Variants in TXNDC5 observed in about 807,000 individuals in gnomAD.
TXNDC5 encodes thioredoxin domain-containing protein 5.
In TXNDC5, 44 loss-of-function variants were observed where a neutral mutation model predicts 52.6. The ratio of observed to expected loss-of-function variants is 0.84; its 90% CI spans 0.66 to 1.08. TXNDC5 has a LOEUF of 1.08. Among genes scored for constraint, TXNDC5 ranks in the 50% least tolerant of loss-of-function variants. TXNDC5 has a pLI of 0.00. For missense variants in TXNDC5, 600 were observed against 565.5 expected (o/e 1.06, Z -0.62); for synonymous variants, 241 against 234.4 (o/e 1.03, Z -0.26).
rs927093114 is a variant in TXNDC5, at chr6:7,883,412, G to T, written c.1177-146C>A. The T allele has an allele frequency of 1.0e-5, 12 of 1,156,048 alleles. No homozygotes were observed. The Admixed American group carries it at 2.2e-4, about 21-fold the overall frequency. 71.6% of individuals were successfully genotyped at this position (1,156,048 alleles called of 1,614,324 possible). ...TAAAGGTGTATATTCCATTAAAACA[G>T]GAGCAGACTACTGTTTAGAAAGCAC... On this transcript the variant is annotated intron_variant, in intron 9 of 9. Transcript: ENST00000379757.
chr6:7,888,906 A>C (rs1760097509), intron 6 of TXNDC5, 58 bp from the exon 7 acceptor site: 6 of 1,529,106 alleles, frequency 3.9e-6, no homozygotes, highest in Non-Finnish European at 5.3e-6. Context: ...TGAATCACTT[A>C]AGCCTTCCTG....
chr6:7,909,864 A>G, intron 1 of TXNDC5: 1 of 985,998 alleles, frequency 1.0e-6, no homozygotes, highest in Non-Finnish European at 1.2e-6. Flanking sequence ...ACGTGCCCGC[A>G]GTCTGTCCCA....
chr6:7,910,743 G>A lies in TXNDC5; in HGVS notation c.34C>T (p.Leu12=), dbSNP rs1239493527. The A allele has an allele frequency of 9.9e-7, 1 of 1,014,822 alleles. No individual in the cohort carries two copies. Among genetic ancestry groups the A allele is most frequent in the Non-Finnish European group, 1.2e-6 (1 of 852,722 alleles). The allele number at this position is 1,014,822 out of a possible 1,614,324, so 62.9% of individuals were successfully genotyped here. Residue 12 remains leucine, a synonymous_variant, in exon 1 of 10, where the codon CTG becomes TTG. Transcript: ENST00000379757. ...GCAGTCAGGGCCGCCGGCCGGGCCA[G>A]CAGCGGGAGGAGGCGTCCTGGGCGC... ...PARPGRLLPL[L]ARPAALTALL...
At chr6:7,909,726 G>T in intron 1 of TXNDC5, 1 of 973,898 alleles carries the variant, frequency 1.0e-6, no homozygotes, top group Non-Finnish European at 1.2e-6. Flanking sequence ...GCACTACCTT[G>T]GTCTTCCCGG....
At chr6:7,907,038 C>T (rs1760759333) in intron 1 of TXNDC5, among the ~76,000 whole-genome samples, 1 of 152,188 alleles carries the variant, frequency 6.6e-6, no homozygotes, top group South Asian at 2.1e-4. Context: ...AACAAGGCAC[C>T]TTCCTAAGGG....
At chr6:7,901,622 T>C (rs529124572) in intron 2 of TXNDC5, among the ~76,000 whole-genome samples, 2 of 152,290 alleles carry the variant, frequency 1.3e-5, no homozygotes, top group South Asian at 4.1e-4. Context: ...GCAGTGAGTT[T>C]GGGACATCTG....
chr6:7,891,508 G>A, intron 5 of TXNDC5, 113 bp downstream of exon 5: 1 of 743,118 alleles, frequency 1.3e-6, no homozygotes, highest in Non-Finnish European at 2.2e-6. Context: ...CACACTAAAT[G>A]GAATTAATAA....
rs1259897753 is a variant in TXNDC5, at chr6:7,885,984, G to A, written c.1023C>T (p.Thr341=). The stretch of plus-strand genomic sequence containing the variant: ...ACCATGGAGCATAAAACTTGATGAA[G>A]GTTATTCCTTCTGCAATGGTGTCAT... The part of the protein sequence containing the change: ...NFDDTIAEGI[T]FIKFYAPWCG... The change falls in exon 8 of 10, where the codon ACC becomes ACT. Residue 341 remains threonine (T), a synonymous_variant. Coordinates refer to ENST00000379757, the MANE Select transcript of TXNDC5 (RefSeq NM_030810.5). 6.2e-7 allele frequency: 1 copy of A among 1,614,110 alleles called. No homozygotes were observed. The highest frequency in any genetic ancestry group is 8.5e-7 in the Non-Finnish European group (1 of 1,179,998).
At chr6:7,888,578 A>G in intron 7 of TXNDC5, 127 bp downstream of exon 7, 2 of 1,236,518 alleles carry the variant, frequency 1.6e-6, no homozygotes, top group Non-Finnish European at 2.2e-6. Context: ...GGAGCCAACC[A>G]TCAGATGACT....
At position 7,881,530 on chromosome 6, in the gene TXNDC5, G is replaced by A. The variant is rs200877924; in HGVS notation, c.*1614C>T. Reference sequence around the variant, plus strand: ...GAAAGACCAGACTTTTAAAAAAAAAGAGTTTATTTAGAAAGTATCATAGTG... The same window carrying A: ...GAAAGACCAGACTTTTAAAAAAAAAAAGTTTATTTAGAAAGTATCATAGTG... On this transcript the variant is annotated 3_prime_UTR_variant, in exon 10 of 10. Coordinates refer to ENST00000379757, the MANE Select transcript of TXNDC5 (RefSeq NM_030810.5). 4.2e-5 allele frequency: 6 copies of A among 144,424 alleles called. No homozygotes were observed. The highest frequency in any genetic ancestry group is 6.2e-5 in the Non-Finnish European group (4 of 64,676). The allele number at this position is 144,424 out of a possible 1,614,324, so 8.9% of individuals were successfully genotyped here.
chr6:7,882,981 A>G lies in TXNDC5; in HGVS notation c.*163T>C. 1 of 830,144 alleles carries G rather than the reference A, an allele frequency of 1.2e-6. No homozygotes were observed. Among genetic ancestry groups the G allele is most frequent in the Non-Finnish European group, 1.8e-6 (1 of 547,306 alleles). The allele number at this position is 830,144 out of a possible 1,614,324, so 51.4% of individuals were successfully genotyped here. The stretch of plus-strand genomic sequence containing the variant: ...ACTTAACTTAATAAAGAATCTGTAG[A>G]GTGTGTTGGCTTGGAAAACACACAC... On this transcript the variant is annotated 3_prime_UTR_variant, in exon 10 of 10. Coordinates refer to ENST00000379757, the MANE Select transcript of TXNDC5 (RefSeq NM_030810.5).
In TXNDC5 at chr6:7,882,409, G is replaced by A. The variant is rs1296564685; in HGVS notation, c.*735C>T. ...GTGGGCTCTGGCTTCGTGTTAACATGAGGAACTAAAGACATGTTTCACCCC... is the reference window on the plus strand; with the variant it reads ...GTGGGCTCTGGCTTCGTGTTAACATAAGGAACTAAAGACATGTTTCACCCC... On this transcript the variant is annotated 3_prime_UTR_variant, in exon 10 of 10. Transcript: ENST00000379757. 1 of 152,224 alleles carries A rather than the reference G, an allele frequency of 6.6e-6. No homozygotes were observed. The highest frequency in any genetic ancestry group is 1.5e-5 in the Non-Finnish European group (1 of 68,050). 9.4% of individuals were successfully genotyped at this position (152,224 alleles called of 1,614,324 possible). A position where few individuals can be genotyped will look rare whatever the true frequency, so the allele number is the denominator to read the frequency against.
At position 7,904,686 on chromosome 6, in the gene TXNDC5, C is replaced by A; in HGVS notation, c.301G>T (p.Asp101Tyr). 6.2e-7 allele frequency: 1 copy of A among 1,614,210 alleles called. No homozygotes were observed. The highest frequency in any genetic ancestry group is 8.5e-7 in the Non-Finnish European group (1 of 1,180,042). The change falls in exon 2 of 10, where the codon GAC becomes TAC. Residue 101 changes from aspartate to tyrosine, a missense_variant. By Grantham distance (160) the Asp-to-Tyr change is radical. Transcript: ENST00000379757. ...ATGCTGTTGTATTTGTCTCCCAGGT[C>A]ATTCCAAGTCGGCTGCAGCCGCTGG... ...HCQRLQPTWN[D>Y]LGDKYNSMED...
chr6:7,909,226 G>A (rs12197207), intron 1 of TXNDC5, among the ~76,000 whole-genome samples: 26,145 of 152,184 alleles, frequency 0.17, 2,452 homozygotes, highest in South Asian at 0.23. Flanking sequence ...ATTTTTCTTA[G>A]GGTACCTTTT....
chr6:7,904,036 T>C (rs1760657128), intron 2 of TXNDC5, among the ~76,000 whole-genome samples: 1 of 152,188 alleles, frequency 6.6e-6, no homozygotes. Context: ...TCCACAGCCT[T>C]TTAAATAGTC....
In TXNDC5 at chr6:7,889,521, G is replaced by C. The variant is rs199964711; in HGVS notation, c.793C>G (p.Leu265Val). ...TTTTTCCCATCTCGGAACCAGAGAA[G>C]AGTGGGATAGCCACGAACCTGGTTT... is the stretch of plus-strand genomic sequence containing the variant. Reference protein sequence around the residue: ...SGNQVRGYPTLLWFRDGKKVD... With the variant: ...SGNQVRGYPTVLWFRDGKKVD... The change falls in exon 6 of 10, where the codon CTT becomes GTT. Residue 265 changes from leucine to valine, a missense_variant. Leu to Val is a conservative substitution (Grantham distance 32). Transcript: ENST00000379757. 588 of 1,613,664 alleles carry C rather than the reference G, an allele frequency of 3.6e-4. 8 individuals are homozygous for C. The South Asian group carries it at 6.2e-3, about 17-fold the overall frequency.
At chr6:7,897,471 T>C (rs1383902247) in intron 3 of TXNDC5, among the ~76,000 whole-genome samples, 1 of 152,226 alleles carries the variant, frequency 6.6e-6, no homozygotes, top group Admixed American at 6.5e-5. Context: ...TGTATATACT[T>C]AAACTTTTCC....
chr6:7,899,028 G>A (rs1479767180), intron 3 of TXNDC5, among the ~76,000 whole-genome samples: 50 of 152,086 alleles, frequency 3.3e-4, no homozygotes, highest in Admixed American at 2.2e-3. Context: ...GGCTAGGCCC[G>A]AGCCAGAGGG....
rs1450617459 is a variant in TXNDC5 at position 7,888,690 on chromosome 6, C to T, written c.963+15G>A. 6.2e-7 allele frequency: 1 copy of T among 1,603,344 alleles called. No homozygotes were observed. Among genetic ancestry groups the T allele is most frequent in the Non-Finnish European group, 8.5e-7 (1 of 1,176,588 alleles). On this transcript the variant is annotated intron_variant, in intron 7 of 9. Transcript: ENST00000379757. Reference sequence around the variant, plus strand: ...CGGGCCACTTATGGGGATCCCGACTCCAGCAGGCACCCACCTTGTCAGCCT... The same window carrying T: ...CGGGCCACTTATGGGGATCCCGACTTCAGCAGGCACCCACCTTGTCAGCCT...
Sources: gnomAD v4.1 joint callset for allele counts (sites outside exome capture counted in the v4.1 genomes callset) on GRCh38, gnomAD v4.1.1 for gene constraint, MANE v1.5 for transcripts, NCBI Gene and HGNC (gene_info 2026-07-23, HGNC 2026-07-21) for gene names.